SGK3: variants seen among roughly 807,000 people sequenced by gnomAD.
SGK3 encodes serum/glucocorticoid regulated kinase family member 3, also known as serine/threonine-protein kinase Sgk3.
SGK3 carries 47 observed loss-of-function variants against 68.5 expected under a neutral mutation model. The observed-to-expected ratio is 0.69, with a 90% CI of 0.54 to 0.87. The LOEUF is 0.87. Ranked by LOEUF, SGK3 falls within the 40% of genes least tolerant of loss-of-function variation. The pLI is 0.00. For missense variants in SGK3, 479 were observed against 575.5 expected (o/e 0.83, Z 1.72); for synonymous variants, 181 against 189.1 (o/e 0.96, Z 0.35).
chr8:66,762,863 C>T (rs1306980146), intron 1 of SGK3, among the ~76,000 whole-genome samples: 2 of 152,182 alleles, frequency 1.3e-5, no homozygotes, highest in East Asian at 3.8e-4. Context: ...GTACTTCTGA[C>T]CCCTGCAGTC....
At chr8:66,717,539 A>G (rs1187774007) in intron 1 of SGK3, among the ~76,000 whole-genome samples, 2 of 152,184 alleles carry the variant, frequency 1.3e-5, no homozygotes, top group Non-Finnish European at 2.9e-5. Context: ...AAAAAAAAGA[A>G]AAGAAAACTG....
intron 5 of SGK3, 121 bp from the exon 6 acceptor site, chr8:66,822,251 C>A: frequency 3.7e-6 from 3 of 808,316 alleles, no homozygotes; most frequent in Non-Finnish European, 5.3e-6. Context: ...TTAATGGATT[C>A]TGTTTTACTT....
intron 1 of SGK3, among the ~76,000 whole-genome samples, chr8:66,745,398 C>T (rs1345302597): frequency 6.6e-6 from 1 of 151,850 alleles, no homozygotes; most frequent in Non-Finnish European, 1.5e-5. Flanking sequence ...GGTGAAACCC[C>T]GTCTCTACTA....
intron 1 of SGK3, among the ~76,000 whole-genome samples, chr8:66,749,863 T>C (rs960534818): frequency 2.6e-5 from 4 of 151,908 alleles, no homozygotes; most frequent in Non-Finnish European, 5.9e-5. Flanking sequence ...ATTAAGTATG[T>C]AAAAAATAGA....
At chr8:66,798,687 A>G (rs140795461) in intron 3 of SGK3, 62 bp downstream of exon 3, 36,162 of 1,416,052 alleles carry the variant, frequency 0.026, 611 homozygotes, top group Admixed American at 0.057. Context: ...CCAAAATAAG[A>G]GAGATGTATT....
chr8:66,748,435 G>A (rs943872052), intron 1 of SGK3, among the ~76,000 whole-genome samples: 1 of 152,048 alleles, frequency 6.6e-6, no homozygotes, highest in Non-Finnish European at 1.5e-5. Context: ...CGAGTTTTGG[G>A]TATTACCTAG....
At chr8:66,741,800 G>A (rs1563604336) in intron 1 of SGK3, among the ~76,000 whole-genome samples, 1 of 152,268 alleles carries the variant, frequency 6.6e-6, no homozygotes. Context: ...GTCCCCCAAG[G>A]GATAGGCACA....
chr8:66,807,129 C>T (rs562678184), intron 4 of SGK3, among the ~76,000 whole-genome samples: 2 of 152,220 alleles, frequency 1.3e-5, no homozygotes, highest in Admixed American at 6.5e-5. Context: ...GAGCAATGTA[C>T]AAGAACTCCT....
At chr8:66,779,508 T>C (rs1343965066) in intron 1 of SGK3, among the ~76,000 whole-genome samples, 1 of 146,642 alleles carries the variant, frequency 6.8e-6, no homozygotes, top group East Asian at 2.0e-4. Context: ...GAAGCAGCAG[T>C]TTCTATTGTT....
chr8:66,780,282 A>G (rs940800697), intron 1 of SGK3, among the ~76,000 whole-genome samples: 10 of 152,208 alleles, frequency 6.6e-5, no homozygotes, highest in African/African-American at 2.4e-4. Context: ...TGGAATTTCT[A>G]AACGTCTCTC....
At chr8:66,720,718 C>T (rs1414402067) in intron 1 of SGK3, among the ~76,000 whole-genome samples, 1 of 151,440 alleles carries the variant, frequency 6.6e-6, no homozygotes, top group Non-Finnish European at 1.5e-5. Context: ...TGCAGTGAGC[C>T]AAGATCGCAC....
intron 1 of SGK3, chr8:66,775,736 G>A (rs927140984): frequency 2.0e-5 from 3 of 152,210 alleles, no homozygotes; most frequent in African/African-American, 7.2e-5. Flanking sequence ...CTTTTACTTT[G>A]TGTTATTCAG....
intron 1 of SGK3, among the ~76,000 whole-genome samples, chr8:66,787,796 G>C (rs1376705372): frequency 1.3e-5 from 2 of 152,114 alleles, no homozygotes; most frequent in Non-Finnish European, 2.9e-5. Flanking sequence ...ACATATTTCT[G>C]CACACCTCCC....
At chr8:66,722,369 A>T (rs1367412667) in intron 1 of SGK3, among the ~76,000 whole-genome samples, 6 of 152,066 alleles carry the variant, frequency 3.9e-5, no homozygotes, top group Non-Finnish European at 5.9e-5. Context: ...TGCAACCTCT[A>T]CCTCCCAAGT....
At chr8:66,859,156 C>A (rs1406784119) in intron 16 of SGK3, among the ~76,000 whole-genome samples, 1 of 152,042 alleles carries the variant, frequency 6.6e-6, no homozygotes, top group Non-Finnish European at 1.5e-5. Flanking sequence ...CATGATGAAA[C>A]CCTGTCTGTA....
intron 1 of SGK3, among the ~76,000 whole-genome samples, chr8:66,752,520 G>A (rs1360462836): frequency 1.3e-5 from 2 of 152,106 alleles, no homozygotes; most frequent in East Asian, 3.8e-4. Context: ...GATGGTCAGA[G>A]AAGGCTTCAG....
chr8:66,848,788 C>T (rs1019774528), intron 15 of SGK3, among the ~76,000 whole-genome samples: 4 of 152,114 alleles, frequency 2.6e-5, no homozygotes, highest in Admixed American at 2.0e-4. Flanking sequence ...AGAGGTACTA[C>T]TCTATCTCCT....
chr8:66,815,359 T>C (rs1456358781), intron 5 of SGK3, among the ~76,000 whole-genome samples: 1 of 152,182 alleles, frequency 6.6e-6, no homozygotes, highest in Non-Finnish European at 1.5e-5. Flanking sequence ...TAAGAACAGG[T>C]ATCCTCTGCC....
chr8:66,726,106 A>T (rs142181692), intron 1 of SGK3, among the ~76,000 whole-genome samples: 1 of 152,152 alleles, frequency 6.6e-6, no homozygotes, highest in East Asian at 1.9e-4. Flanking sequence ...TTTCATCAGG[A>T]TTTTTGTAGT....
Sources: gnomAD v4.1 joint callset for allele counts (sites outside exome capture counted in the v4.1 genomes callset) on GRCh38, gnomAD v4.1.1 for gene constraint, MANE v1.5 for transcripts, NCBI Gene and HGNC (gene_info 2026-07-23, HGNC 2026-07-21) for gene names.